The following VDAC1 variants were observed in gnomAD, a reference collection of about 807,000 sequenced individuals.
VDAC1 encodes the protein non-selective voltage-gated ion channel VDAC1.
VDAC1 carries 10 observed loss-of-function variants against 34.7 expected under a neutral mutation model. The observed-to-expected ratio is 0.29, with a 90% CI of 0.18 to 0.49. VDAC1 has a LOEUF of 0.49. Among genes scored for constraint, VDAC1 ranks in the 20% least tolerant of loss-of-function variants. The probability of loss-of-function intolerance (pLI) is 0.99; values close to 1 mark genes in which losing one functional copy is unlikely to be tolerated. For synonymous variants in VDAC1, 130 were observed against 136.0 expected (o/e 0.96, Z 0.30); for missense variants, 230 against 347.9 (o/e 0.66, Z 2.69).
chr5:134,040,722 G>C, the VDAC1 span, among the ~76,000 whole-genome samples: 1 of 152,178 alleles, frequency 6.6e-6, no homozygotes, highest in Non-Finnish European at 1.5e-5. Context: ...GCGAGATTCT[G>C]TCTCAAATAT....
chr5:134,032,143 A>AAAAAAAAAAAAAAAAAAAAAAAAAAC, the VDAC1 span, among the ~76,000 whole-genome samples: 1 of 149,392 alleles, frequency 6.7e-6, no homozygotes, highest in African/African-American at 2.5e-5. Flanking sequence ...AAAAAAAAAA[A>AAAAAAAAAAAAAAAAAAAAAAAAAAC]AGCTACTCTG....
chr5:134,000,440 G>C (rs1753503354), intron 1 of VDAC1, among the ~76,000 whole-genome samples: 2 of 152,208 alleles, frequency 1.3e-5, no homozygotes. Flanking sequence ...CTATCAAGGG[G>C]AGATGGCCTG....
Position 133,984,446 on chromosome 5 carries a change from G to C in VDAC1, c.324-3490C>G, listed in dbSNP as rs1194669752. 2.0e-5 allele frequency among the ~76,000 whole-genome samples: 3 copies of C among 148,884 alleles called. No individual in the cohort carries two copies. In the East Asian group the frequency reaches 5.9e-4, roughly 29 times the overall value. ...TGTGTGTGTGTGTGTGTGTGTGTGT[G>C]TGTGTGTGTGTGTGTGTGTGTGTAG... On this transcript the variant is annotated intron_variant, in intron 5 of 8. Coordinates refer to ENST00000265333, the MANE Select transcript of VDAC1 (RefSeq NM_003374.3).
chr5:134,105,901 G>A, the VDAC1 span, among the ~76,000 whole-genome samples: 1 of 152,282 alleles, frequency 6.6e-6, no homozygotes, highest in Non-Finnish European at 1.5e-5. Context: ...GAACAGGGCT[G>A]CAGTTTGCCA....
the VDAC1 span, among the ~76,000 whole-genome samples, chr5:134,043,380 G>C: frequency 4.6e-5 from 7 of 152,160 alleles, no homozygotes; most frequent in African/African-American, 1.7e-4. Context: ...GCTAGGACAA[G>C]GGCAGCGCTG....
intron 1 of VDAC1, among the ~76,000 whole-genome samples, chr5:134,001,610 C>T (rs1253965214): frequency 3.3e-5 from 5 of 150,736 alleles, no homozygotes; most frequent in African/African-American, 1.2e-4. Flanking sequence ...CCCGGCTACT[C>T]GAGAGGGTGA....
chr5:134,063,584 A>G, the VDAC1 span, among the ~76,000 whole-genome samples: 1 of 152,234 alleles, frequency 6.6e-6, no homozygotes, highest in Non-Finnish European at 1.5e-5. Flanking sequence ...CCTTCTGCTA[A>G]CACAAGAAGT....
At chr5:133,978,920 G>C (rs1405146073) in intron 6 of VDAC1, among the ~76,000 whole-genome samples, 1 of 152,134 alleles carries the variant, frequency 6.6e-6, no homozygotes, top group Non-Finnish European at 1.5e-5. Flanking sequence ...GGCTGAGGTG[G>C]GAGTATCACT....
chr5:134,060,542 T>C, the VDAC1 span, among the ~76,000 whole-genome samples: 1 of 151,858 alleles, frequency 6.6e-6, no homozygotes, highest in East Asian at 1.9e-4. Flanking sequence ...TTCAAACACA[T>C]TGAAAAGTAC....
chr5:134,004,254 G>C (rs1279483091), intron 1 of VDAC1, among the ~76,000 whole-genome samples: 3 of 151,964 alleles, frequency 2.0e-5, no homozygotes, highest in Admixed American at 1.3e-4. Context: ...GCGGCGAACG[G>C]GTCCCCGCCG....
the VDAC1 span, among the ~76,000 whole-genome samples, chr5:134,018,159 T>A: frequency 6.6e-6 from 1 of 152,190 alleles, no homozygotes; most frequent in East Asian, 1.9e-4. Flanking sequence ...CGGCTTCTGG[T>A]GAGGCCTGTG....
chr5:133,975,220 A>G (rs972804289), intron 7 of VDAC1, among the ~76,000 whole-genome samples: 9 of 152,160 alleles, frequency 5.9e-5, no homozygotes, highest in East Asian at 1.9e-4. Flanking sequence ...GTGAGCTGCA[A>G]TTACACCACT....
intron 1 of VDAC1, among the ~76,000 whole-genome samples, chr5:133,993,547 C>A (rs1483490738): frequency 2.0e-5 from 3 of 152,130 alleles, no homozygotes; most frequent in Non-Finnish European, 4.4e-5. Flanking sequence ...CAGGATGGGC[C>A]CAACTTTTCA....
intron 5 of VDAC1, among the ~76,000 whole-genome samples, chr5:133,981,197 G>C (rs1752684073): frequency 6.6e-6 from 1 of 152,060 alleles, no homozygotes; most frequent in Non-Finnish European, 1.5e-5. Flanking sequence ...GGAAAAGCCT[G>C]AAAAATAAAT....
the VDAC1 span, among the ~76,000 whole-genome samples, chr5:134,049,898 G>A: frequency 2.6e-5 from 4 of 152,158 alleles, no homozygotes; most frequent in South Asian, 8.3e-4. Flanking sequence ...CTTTTGAGGT[G>A]TGTTTTTCCA....
chr5:134,055,755 T>TTTC, the VDAC1 span, among the ~76,000 whole-genome samples: 1 of 107,960 alleles, frequency 9.3e-6, no homozygotes, highest in East Asian at 3.2e-4. Flanking sequence ...TTGTCTTTTT[T>TTTC]TCTTTAAAAG....
At chr5:134,102,511 A>G in the VDAC1 span, among the ~76,000 whole-genome samples, 1 of 152,066 alleles carries the variant, frequency 6.6e-6, no homozygotes, top group Non-Finnish European at 1.5e-5. Flanking sequence ...TCTACTAAAA[A>G]TACAAAATTA....
At chr5:134,108,490 A>T in the VDAC1 span, among the ~76,000 whole-genome samples, 1 of 152,172 alleles carries the variant, frequency 6.6e-6, no homozygotes, top group Admixed American at 6.5e-5. Flanking sequence ...TGCCCACCAC[A>T]TCCCGTTGCT....
the VDAC1 span, among the ~76,000 whole-genome samples, chr5:134,044,440 C>T: frequency 2.0e-5 from 3 of 152,232 alleles, no homozygotes; most frequent in African/African-American, 7.2e-5. Context: ...GCTCCCCAGA[C>T]AGCTAAGGGA....
Sources: allele counts gnomAD v4.1 joint callset (sites outside exome capture counted in the v4.1 genomes callset), GRCh38; gene constraint gnomAD v4.1.1; transcripts MANE v1.5; gene names NCBI Gene and HGNC (gene_info 2026-07-23, HGNC 2026-07-21).